The following OR3A2 variants were observed in gnomAD, a reference collection of about 807,000 sequenced individuals.
OR3A2 encodes the protein olfactory receptor 3A2.
For missense variants in OR3A2, 318 were observed against 392.8 expected, an observed-to-expected ratio of 0.81 and a Z score of 1.61; for synonymous variants, 126 against 159.3, an observed-to-expected ratio of 0.79 and a Z score of 1.57.
chr17:3,322,129 A>G (rs2049128924), intron 3 of OR3A2, among the ~76,000 whole-genome samples: 1 of 151,956 alleles, frequency 6.6e-6, no homozygotes, highest in East Asian at 1.9e-4. Flanking sequence ...AAATTTATCC[A>G]TTTCTTCTAG....
At chr17:3,385,155 T>C (rs570160282) in intron 1 of OR3A2, among the ~76,000 whole-genome samples, 1 of 152,298 alleles carries the variant, frequency 6.6e-6, no homozygotes, top group South Asian at 2.1e-4. Flanking sequence ...GATCATGCCA[T>C]TGAACTCCAG....
At chr17:3,347,237 T>A (rs936254284) in intron 2 of OR3A2, among the ~76,000 whole-genome samples, 5 of 76,442 alleles carry the variant, frequency 6.5e-5, no homozygotes, top group African/African-American at 3.8e-4. Flanking sequence ...TTTGTATGTC[T>A]TCTTTTTTTT....
chr17:3,352,325 G>C (rs1191265164), intron 2 of OR3A2, among the ~76,000 whole-genome samples: 1 of 151,760 alleles, frequency 6.6e-6, no homozygotes, highest in Non-Finnish European at 1.5e-5. Context: ...AAACATTTTT[G>C]CACAGACCAA....
At chr17:3,334,945 G>A (rs751357234) in intron 3 of OR3A2, among the ~76,000 whole-genome samples, 9 of 152,134 alleles carry the variant, frequency 5.9e-5, no homozygotes. Context: ...TCAACAGGAA[G>A]GTGACAGTTT....
At chr17:3,370,163 T>C (rs2049600638) in intron 2 of OR3A2, among the ~76,000 whole-genome samples, 1 of 152,186 alleles carries the variant, frequency 6.6e-6, no homozygotes. Flanking sequence ...CTGGACTTTT[T>C]TGTGTTGTTG....
intron 1 of OR3A2, among the ~76,000 whole-genome samples, chr17:3,385,486 T>C (rs142511932): frequency 1.3e-5 from 2 of 152,278 alleles, no homozygotes; most frequent in African/African-American, 4.8e-5. Flanking sequence ...TTTGGATAGA[T>C]AGATGATAGA....
At chr17:3,312,873 C>A (rs373528688) in intron 3 of OR3A2, among the ~76,000 whole-genome samples, 18 of 152,326 alleles carry the variant, frequency 1.2e-4, no homozygotes, top group African/African-American at 4.1e-4. Context: ...ATCCACCCGC[C>A]TCAGTCTCCC....
At chr17:3,282,463 C>T (rs1353833710) in intron 1 of OR3A2, among the ~76,000 whole-genome samples, 4 of 152,148 alleles carry the variant, frequency 2.6e-5, no homozygotes, top group East Asian at 1.9e-4. Flanking sequence ...ATGTGGATAA[C>T]GTGCATCTCA....
chr17:3,286,842 G>A (rs2048817570), upstream of OR3A2, among the ~76,000 whole-genome samples: 1 of 152,008 alleles, frequency 6.6e-6, no homozygotes, highest in Non-Finnish European at 1.5e-5. Context: ...TGGATAGATT[G>A]CAAAAATTTT....
chr17:3,347,933 C>T (rs1163509841), intron 2 of OR3A2, among the ~76,000 whole-genome samples: 11 of 152,310 alleles, frequency 7.2e-5, no homozygotes, highest in East Asian at 1.9e-4. Context: ...TAATGATTGC[C>T]ATTCTAACTG....
chr17:3,361,392 T>C (rs552887034), intron 2 of OR3A2, among the ~76,000 whole-genome samples: 1 of 151,660 alleles, frequency 6.6e-6, no homozygotes, highest in African/African-American at 2.4e-5. Context: ...TTTTCCTAAC[T>C]GAATGTGCTT....
At chr17:3,363,978 A>T (rs548646710) in intron 2 of OR3A2, among the ~76,000 whole-genome samples, 1 of 152,326 alleles carries the variant, frequency 6.6e-6, no homozygotes, top group East Asian at 1.9e-4. Context: ...TGCTCCCATG[A>T]TCCAATCACC....
At chr17:3,310,911 T>C (rs930295687) in intron 3 of OR3A2, 2 of 691,618 alleles carry the variant, frequency 2.9e-6, no homozygotes, top group Non-Finnish European at 5.0e-6. Flanking sequence ...CAATGGGCAG[T>C]TGCTGTTTGT....
At chr17:3,312,980 T>G (rs2150631886) in intron 3 of OR3A2, among the ~76,000 whole-genome samples, 1 of 152,286 alleles carries the variant, frequency 6.6e-6, no homozygotes, top group Non-Finnish European at 1.5e-5. Flanking sequence ...TTCTGTTTAA[T>G]TCATACGTAC....
At position 3,291,829 on chromosome 17, in the gene OR3A2, C is replaced by A. The variant is rs202247230; in HGVS notation, c.-84-12676G>T. On this transcript the variant is annotated intron_variant, in intron 3 of 4. Transcript: ENST00000573491. Reference sequence around the variant, plus strand: ...AAGATACCTGAACCATAGAATATGGCAACCACAGTGAGGTGGGAGCCACAT... The same window carrying A: ...AAGATACCTGAACCATAGAATATGGAAACCACAGTGAGGTGGGAGCCACAT... The A allele has an allele frequency of 5.6e-5, 91 of 1,613,762 alleles. No homozygotes were observed. The Middle Eastern group carries it at 9.9e-4, about 17-fold the overall frequency.
intron 3 of OR3A2, among the ~76,000 whole-genome samples, chr17:3,306,248 C>G (rs2048999232): frequency 6.6e-6 from 1 of 152,124 alleles, no homozygotes; most frequent in South Asian, 2.1e-4. Flanking sequence ...AACTCCTGGC[C>G]TCAAGCAATC....
rs1362067408 is a variant in OR3A2, at chr17:3,369,021, G to A, written c.-179+14783C>T. Among the ~76,000 whole-genome samples, 6 of 152,146 alleles carry A rather than the reference G, an allele frequency of 3.9e-5. No individual in the cohort carries two copies. The South Asian group carries it at 1.2e-3, about 31-fold the overall frequency. On this transcript the variant is annotated intron_variant, in intron 2 of 4. Transcript: ENST00000573491. ...CAGTTGTAAAAGGGGTTGAGTTCTT[G>A]ATTTGATTCTCAGCTTGGTTGCTGC...
At chr17:3,322,833 A>G (rs2049136350) in intron 3 of OR3A2, among the ~76,000 whole-genome samples, 1 of 152,178 alleles carries the variant, frequency 6.6e-6, no homozygotes. Flanking sequence ...TGTTTCTGAA[A>G]AGACTGTATA....
intron 1 of OR3A2, among the ~76,000 whole-genome samples, chr17:3,281,226 G>A (rs140840236): frequency 1.8e-3 from 273 of 149,810 alleles, no homozygotes; most frequent in African/African-American, 6.4e-3. Context: ...ATAATACCCA[G>A]GCATCAGGAT....
Sources: allele counts gnomAD v4.1 joint callset (sites outside exome capture counted in the v4.1 genomes callset), GRCh38; gene constraint gnomAD v4.1.1; transcripts MANE v1.5; gene names NCBI Gene and HGNC (gene_info 2026-07-23, HGNC 2026-07-21).